Variants in PGM5 observed in about 807,000 individuals in gnomAD.
PGM5 encodes phosphoglucomutase-like protein 5.
Under a neutral mutation model 59.2 loss-of-function variants are expected in PGM5, and 23 were observed. The observed-to-expected ratio is 0.39, with a 90% CI of 0.28 to 0.55. PGM5 has a LOEUF of 0.55. Among genes scored for constraint, PGM5 ranks in the 20% least tolerant of loss-of-function variants. The pLI, the probability that PGM5 is intolerant of heterozygous loss-of-function variation, is 0.66. For synonymous variants in PGM5, 214 were observed against 286.0 expected, an observed-to-expected ratio of 0.75 and a Z score of 2.54; for missense variants, 574 against 748.3, an observed-to-expected ratio of 0.77 and a Z score of 2.72.
At chr9:68,522,366 A>G (rs59647191) in intron 10 of PGM5, among the ~76,000 whole-genome samples, 11,610 of 152,152 alleles carry the variant, frequency 0.076, 1,496 homozygotes, top group African/African-American at 0.27. Flanking sequence ...AGATGGGGAG[A>G]AATAGAATCA....
chr9:68,427,543 G>C (rs531560608), intron 6 of PGM5, among the ~76,000 whole-genome samples: 2 of 152,300 alleles, frequency 1.3e-5, no homozygotes, highest in African/African-American at 4.8e-5. Context: ...ATGCTGGGGA[G>C]GGTGGGGTCT....
intron 6 of PGM5, among the ~76,000 whole-genome samples, chr9:68,438,539 G>C (rs1326786530): frequency 6.6e-6 from 1 of 152,120 alleles, no homozygotes; most frequent in Non-Finnish European, 1.5e-5. Context: ...GAGTAAGATG[G>C]AGTAAGCACA....
intron 6 of PGM5, chr9:68,405,701 C>A: frequency 6.5e-6 from 1 of 153,384 alleles, no homozygotes; most frequent in East Asian, 1.9e-4. Context: ...TTCTTATCTT[C>A]CCTTCCTCCC....
intron 10 of PGM5, among the ~76,000 whole-genome samples, chr9:68,527,696 T>C (rs1194727366): frequency 6.6e-6 from 1 of 152,012 alleles, no homozygotes; most frequent in Non-Finnish European, 1.5e-5. Flanking sequence ...GCCACTTTCT[T>C]GTGTTCTAGA....
At chr9:68,358,994 A>G (rs1834523835) in intron 1 of PGM5, among the ~76,000 whole-genome samples, 1 of 152,194 alleles carries the variant, frequency 6.6e-6, no homozygotes. Flanking sequence ...ATGGAGAATA[A>G]CGAGCCTTGG....
chr9:68,407,379 TGCCTCG>T (rs1331167637), intron 6 of PGM5, among the ~76,000 whole-genome samples: 1 of 152,202 alleles, frequency 6.6e-6, no homozygotes, highest in Non-Finnish European at 1.5e-5. Context: ...GCAATCCTCC[TGCCTCG>T]GCCTCTCAAA....
chr9:68,488,262 A>G (rs1015864289), intron 9 of PGM5, among the ~76,000 whole-genome samples: 3 of 152,110 alleles, frequency 2.0e-5, no homozygotes, highest in African/African-American at 4.8e-5. Flanking sequence ...CCCAGCACAC[A>G]CACTCTGCTT....
intron 6 of PGM5, among the ~76,000 whole-genome samples, chr9:68,399,548 A>T (rs1304015564): frequency 6.6e-6 from 1 of 151,340 alleles, no homozygotes; most frequent in Non-Finnish European, 1.5e-5. Flanking sequence ...CATGTCTCAC[A>T]TTACTAATGA....
chr9:68,407,248 C>T (rs1483460776), intron 6 of PGM5, among the ~76,000 whole-genome samples: 2 of 152,124 alleles, frequency 1.3e-5, no homozygotes, highest in Non-Finnish European at 2.9e-5. Context: ...CCACCTCAGC[C>T]TCCCAAGTAG....
chr9:68,515,179 A>AAAGGCAAAGGCCATC (rs1824806931), intron 10 of PGM5, among the ~76,000 whole-genome samples: 1 of 152,244 alleles, frequency 6.6e-6, no homozygotes, highest in African/African-American at 2.4e-5. Flanking sequence ...AGCTGAGTCT[A>AAAGGCAAAGGCCATC]AAGGCAAAGG....
chr9:68,360,972 G>A (rs1834565093), intron 1 of PGM5, among the ~76,000 whole-genome samples: 1 of 152,146 alleles, frequency 6.6e-6, no homozygotes, highest in South Asian at 2.1e-4. Flanking sequence ...AGCCTGAAGT[G>A]CAGTGAAACA....
intron 6 of PGM5, among the ~76,000 whole-genome samples, chr9:68,411,405 A>G (rs1822927846): frequency 7.4e-6 from 1 of 135,424 alleles, no homozygotes; most frequent in Non-Finnish European, 1.6e-5. Context: ...ACACACACAT[A>G]TATACACACA....
intron 1 of PGM5, among the ~76,000 whole-genome samples, chr9:68,363,352 T>C (rs1323126149): frequency 6.6e-6 from 1 of 152,312 alleles, no homozygotes; most frequent in Admixed American, 6.5e-5. Flanking sequence ...ATTTTGCATT[T>C]TACTTAATTT....
intron 7 of PGM5, among the ~76,000 whole-genome samples, chr9:68,468,781 A>G (rs536513165): frequency 1.5e-3 from 230 of 152,200 alleles, no homozygotes; most frequent in Non-Finnish European, 2.2e-3. Context: ...TGCCCTTATT[A>G]TTTATTCATT....
chr9:68,428,532 G>T (rs782301799), intron 6 of PGM5: 1 of 152,144 alleles, frequency 6.6e-6, no homozygotes, highest in Non-Finnish European at 1.5e-5. Flanking sequence ...TCTGAGGTAG[G>T]CATCCTAATG....
rs372002503 is a variant in PGM5 at position 68,378,189 on chromosome 9, G to A, written c.262-10G>A. 2.0e-6 allele frequency: 3 copies of A among 1,494,092 alleles called. No homozygotes were observed. The highest frequency in any genetic ancestry group is 2.7e-6 in the Non-Finnish European group (3 of 1,120,558). The allele number at this position is 1,494,092 out of a possible 1,614,324, so 92.6% of individuals were successfully genotyped here. A position where few individuals can be genotyped will look rare whatever the true frequency, so the allele number is the denominator to read the frequency against. On this transcript the variant is annotated splice_polypyrimidine_tract_variant and intron_variant, in intron 1 of 10. Coordinates refer to ENST00000396396, the MANE Select transcript of PGM5 (RefSeq NM_021965.4). Reference sequence around the variant, plus strand: ...GGAACTGGATTGATTTTTTTTTTTGGATGGTTTAGATTGGACGACTGATTA... The same window carrying A: ...GGAACTGGATTGATTTTTTTTTTTGAATGGTTTAGATTGGACGACTGATTA...
At chr9:68,418,804 C>A (rs938347334) in intron 6 of PGM5, among the ~76,000 whole-genome samples, 95 of 152,188 alleles carry the variant, frequency 6.2e-4, no homozygotes, top group African/African-American at 2.0e-3. Flanking sequence ...CCTGCCGGGT[C>A]ACCAGCCTAA....
intron 6 of PGM5, among the ~76,000 whole-genome samples, chr9:68,408,418 GTTGT>G (rs1175814382): frequency 6.6e-4 from 101 of 152,284 alleles, no homozygotes; most frequent in African/African-American, 2.0e-3. Context: ...TTTTGATGGG[GTTGT>G]TTGTTTTTTT....
chr9:68,374,982 T>C (rs1554677462), intron 1 of PGM5, among the ~76,000 whole-genome samples: 1 of 151,942 alleles, frequency 6.6e-6, no homozygotes, highest in East Asian at 2.0e-4. Flanking sequence ...CACAGTTACA[T>C]GTTGGTATTG....
Sources: gnomAD v4.1 joint callset for allele counts (sites outside exome capture counted in the v4.1 genomes callset) on GRCh38, gnomAD v4.1.1 for gene constraint, MANE v1.5 for transcripts, NCBI Gene and HGNC (gene_info 2026-07-23, HGNC 2026-07-21) for gene names.